PRKCE: variants seen among roughly 807,000 people sequenced by gnomAD.
The protein encoded by PRKCE is protein kinase C epsilon.
A neutral mutation model predicts 85.4 loss-of-function variants in PRKCE; 16 were observed. That is an observed-to-expected ratio of 0.19 (90% CI 0.13 to 0.28). PRKCE has a LOEUF of 0.28. Among genes scored for constraint, PRKCE ranks in the 10% least tolerant of loss-of-function variants. The probability of loss-of-function intolerance (pLI) is 1.00; values close to 1 mark genes in which losing one functional copy is unlikely to be tolerated. For synonymous variants in PRKCE, 388 were observed against 371.5 expected (o/e 1.04, Z -0.51); for missense variants, 573 against 975.2 (o/e 0.59, Z 5.49).
chr2:45,679,515 G>A (rs1676724788), intron 1 of PRKCE, among the ~76,000 whole-genome samples: 2 of 152,294 alleles, frequency 1.3e-5, no homozygotes, highest in East Asian at 1.9e-4. Context: ...TTTATAATAA[G>A]TGCCAAGTAG....
At chr2:45,802,083 T>TAA (rs36010894) in intron 1 of PRKCE, among the ~76,000 whole-genome samples, 23 of 121,894 alleles carry the variant, frequency 1.9e-4, no homozygotes, top group South Asian at 7.7e-4. Flanking sequence ...GACCCTATCT[T>TAA]AAAAAAAAAA....
At chr2:46,024,306 A>ATTTTTTTTTTTTT (rs34612971) in intron 10 of PRKCE, among the ~76,000 whole-genome samples, 1 of 139,366 alleles carries the variant, frequency 7.2e-6, no homozygotes. Context: ...TTATGAGGAC[A>ATTTTTTTTTTTTT]TTTTTTTTTT....
At chr2:45,899,376 T>G (rs968528314) in intron 2 of PRKCE, among the ~76,000 whole-genome samples, 1 of 150,924 alleles carries the variant, frequency 6.6e-6, no homozygotes, top group Non-Finnish European at 1.5e-5. Flanking sequence ...TTTTAAAAAA[T>G]TTTTTTTCTT....
intron 14 of PRKCE, among the ~76,000 whole-genome samples, chr2:46,166,409 A>G (rs930643713): frequency 6.6e-6 from 1 of 152,224 alleles, no homozygotes; most frequent in South Asian, 2.1e-4. Context: ...CAAGCGGCTT[A>G]CCATCCAAGA....
chr2:45,944,632 GTGCGTGCCACCA>G (rs1700110077), intron 2 of PRKCE, among the ~76,000 whole-genome samples: 1 of 148,742 alleles, frequency 6.7e-6, no homozygotes. Context: ...GGGACTACAG[GTGCGTGCCACCA>G]TACCCGGCTA....
chr2:45,999,774 A>C (rs1165296621), intron 6 of PRKCE, among the ~76,000 whole-genome samples: 1 of 152,038 alleles, frequency 6.6e-6, no homozygotes, highest in African/African-American at 2.4e-5. Context: ...GTTATCACCC[A>C]ATCCTTGGAT....
chr2:45,653,367 GTTGTTTT>G (rs1191125300), intron 1 of PRKCE, among the ~76,000 whole-genome samples: 182 of 48,444 alleles, frequency 3.8e-3, no homozygotes, highest in African/African-American at 0.012. Context: ...TTGTTTTTGG[GTTGTTTT>G]TTTTTTTTTT....
rs1391828081 is a variant in PRKCE at position 46,159,844 on chromosome 2, G to A, written c.2067+92G>A. 2.0e-6 allele frequency: 3 copies of A among 1,507,916 alleles called. No homozygotes were observed. Among genetic ancestry groups the A allele is most frequent in the South Asian group, 1.2e-5 (1 of 84,354 alleles). 93.4% of individuals were successfully genotyped at this position (1,507,916 alleles called of 1,614,324 possible). The stretch of plus-strand genomic sequence containing the variant: ...TGCACCCAGGAAGAGTTGGTCAGGG[G>A]ATGCGTATTACAGTAAAAATGACAA... On this transcript the variant is annotated intron_variant, in intron 14 of 14. Coordinates refer to ENST00000306156, the MANE Select transcript of PRKCE (RefSeq NM_005400.3). The surrounding 1 kb of genome is among the most constrained non-coding windows in gnomAD (Gnocchi z 4.1).
At chr2:45,979,720 C>G (rs896170491) in intron 4 of PRKCE, among the ~76,000 whole-genome samples, 4 of 152,176 alleles carry the variant, frequency 2.6e-5, no homozygotes, top group Admixed American at 1.3e-4. Flanking sequence ...AACACGCACA[C>G]AGTTACTTAC....
chr2:46,011,401 T>C (rs1478540997), intron 10 of PRKCE, among the ~76,000 whole-genome samples: 2 of 152,226 alleles, frequency 1.3e-5, no homozygotes, highest in African/African-American at 2.4e-5. Context: ...TCAATAGTTA[T>C]TCATTGAGTC....
intron 1 of PRKCE, among the ~76,000 whole-genome samples, chr2:45,827,348 A>G (rs149802744): frequency 6.6e-6 from 1 of 152,344 alleles, no homozygotes; most frequent in African/African-American, 2.4e-5. Context: ...TAAATGAAGG[A>G]TCTATTCTGA....
chr2:45,864,497 T>C (rs1693425558), intron 2 of PRKCE, among the ~76,000 whole-genome samples: 1 of 152,236 alleles, frequency 6.6e-6, no homozygotes, highest in African/African-American at 2.4e-5. Context: ...GAAATATTTT[T>C]TTAATGTAAA....
In PRKCE at chr2:45,841,406, A is replaced by G. The variant is rs541310545; in HGVS notation, c.349-1594A>G. ...ACTGGTGTAAGTCCAAGAGTCCAAA[A>G]GCTGAAAAACTTGGGGTCTGATGTT... On this transcript the variant is annotated intron_variant, in intron 1 of 14. Transcript: ENST00000306156. 4.9e-4 allele frequency among the ~76,000 whole-genome samples: 75 copies of G among 152,330 alleles called. 1 individual carries two copies. The highest frequency in any genetic ancestry group is 4.8e-3 in the Admixed American group (73 of 15,310).
intron 1 of PRKCE, among the ~76,000 whole-genome samples, chr2:45,678,164 C>T (rs1335152846): frequency 2.0e-5 from 3 of 152,190 alleles, no homozygotes; most frequent in Non-Finnish European, 4.4e-5. Context: ...ATACATATTG[C>T]ATGTTGAAAT....
chr2:45,776,961 C>A (rs556952723), intron 1 of PRKCE, among the ~76,000 whole-genome samples: 1 of 152,192 alleles, frequency 6.6e-6, no homozygotes, highest in South Asian at 2.1e-4. Flanking sequence ...TAACTAAAAA[C>A]CCCTTAGAAG....
intron 2 of PRKCE, among the ~76,000 whole-genome samples, chr2:45,910,381 A>G (rs1207363261): frequency 1.3e-5 from 2 of 152,126 alleles, no homozygotes; most frequent in Non-Finnish European, 2.9e-5. Flanking sequence ...CCACCCTGAA[A>G]ACACTTGCCA....
At position 46,101,919 on chromosome 2, in the gene PRKCE, A is replaced by G. The variant is rs116607704; in HGVS notation, c.1592+15557A>G. 5.8e-3 allele frequency among the ~76,000 whole-genome samples: 875 copies of G among 151,180 alleles called. 10 individuals carry two copies. The highest frequency in any genetic ancestry group is 0.02 in the African/African-American group (829 of 41,086). Reference sequence around the variant, plus strand: ...TGATTTGTAGCATTAACTGATTTCTATGGTATAAATATTCTCCCTGGGGCC... The same window carrying G: ...TGATTTGTAGCATTAACTGATTTCTGTGGTATAAATATTCTCCCTGGGGCC... On this transcript the variant is annotated intron_variant, in intron 11 of 14. Transcript: ENST00000306156.
intron 1 of PRKCE, among the ~76,000 whole-genome samples, chr2:45,710,645 G>A (rs377632242): frequency 2.6e-4 from 39 of 152,346 alleles, no homozygotes; most frequent in African/African-American, 8.2e-4. Context: ...TGGACATTGC[G>A]GCTCCAGCAT....
intron 1 of PRKCE, among the ~76,000 whole-genome samples, chr2:45,824,665 C>A (rs908506700): frequency 6.7e-6 from 1 of 150,182 alleles, no homozygotes; most frequent in African/African-American, 2.4e-5. Flanking sequence ...CAAACATATT[C>A]AAAAATAGAG....
Sources: gnomAD v4.1 joint callset for allele counts (sites outside exome capture counted in the v4.1 genomes callset) on GRCh38, gnomAD v4.1.1 for gene constraint, Gnocchi (gnomAD v3.1) non-coding constraint, MANE v1.5 for transcripts, NCBI Gene and HGNC (gene_info 2026-07-23, HGNC 2026-07-21) for gene names.